USP7: variants seen among roughly 807,000 people sequenced by gnomAD.
USP7 encodes ubiquitin specific peptidase 7.
A neutral mutation model predicts 162.9 loss-of-function variants in USP7; 9 were observed. The ratio of observed to expected loss-of-function variants is 0.06; its 90% CI spans 0.03 to 0.10. The LOEUF is 0.10. Ranked by LOEUF, USP7 falls within the 10% of genes least tolerant of loss-of-function variation. USP7 has a pLI of 1.00. For synonymous variants in USP7, 562 were observed against 475.9 expected (o/e 1.18, Z -2.35); for missense variants, 715 against 1,373.7 (o/e 0.52, Z 7.58).
intron 1 of USP7, among the ~76,000 whole-genome samples, chr16:8,957,125 A>G (rs1899842123): frequency 6.6e-6 from 1 of 152,238 alleles, no homozygotes. Context: ...AGTTAAAATT[A>G]CCAACCCTCA....
At chr16:8,949,803 G>A (rs1899466283) in intron 1 of USP7, 1 of 152,190 alleles carries the variant, frequency 6.6e-6, no homozygotes, top group South Asian at 2.1e-4. Flanking sequence ...AAGCCCCCAG[G>A]GCCTGAAGCA....
chr16:8,894,740 G>C (rs748622408), intron 29 of USP7, 44 bp downstream of exon 29: 8 of 1,614,018 alleles, frequency 5.0e-6, no homozygotes, highest in East Asian at 4.5e-5. Flanking sequence ...GGCAAGGCTT[G>C]AGCCTATGGC....
rs369469439 is a variant in USP7 at position 8,963,033 on chromosome 16, G to A, written c.79+174C>T. 1,837 of 439,742 alleles carry A rather than the reference G, an allele frequency of 4.2e-3. 14 individuals are homozygous for A. The highest frequency in any genetic ancestry group is 0.023 in the East Asian group (363 of 15,854). The allele number at this position is 439,742 out of a possible 1,614,324, so 27.2% of individuals were successfully genotyped here. On this transcript the variant is annotated intron_variant, in intron 1 of 30. Transcript: ENST00000344836. ...GTCCCGGCGGCCGCCCCTCGCCCGC[G>A]GACCCGGCATGACTTTGCAGCCTCG...
chr16:8,937,827 G>A (rs1898834838), intron 1 of USP7, among the ~76,000 whole-genome samples: 1 of 152,200 alleles, frequency 6.6e-6, no homozygotes, highest in African/African-American at 2.4e-5. Flanking sequence ...ACAGAAGCCA[G>A]GAGACAACTG....
intron 1 of USP7, among the ~76,000 whole-genome samples, chr16:8,954,650 A>G (rs1010775853): frequency 4.6e-5 from 7 of 152,230 alleles, no homozygotes; most frequent in Non-Finnish European, 1.0e-4. Flanking sequence ...ATACGAAGGT[A>G]TGTATTCATT....
chr16:8,897,722 A>ATAC (rs71155415), intron 25 of USP7, among the ~76,000 whole-genome samples: 1 of 21,618 alleles, frequency 4.6e-5, no homozygotes, highest in Non-Finnish European at 7.4e-5. Context: ...AAAAAAAAAA[A>ATAC]AAAAATATAT....
At chr16:8,895,257 T>G in intron 27 of USP7, 107 bp from the exon 28 acceptor site, 1 of 1,554,808 alleles carries the variant, frequency 6.4e-7, no homozygotes, top group Non-Finnish European at 8.7e-7. Flanking sequence ...AAGCCTATTT[T>G]TGCTAAAAAA....
rs773390270 is a variant in USP7 at position 8,917,049 on chromosome 16, T to G, written c.828A>C (p.Thr276=). 1.9e-5 allele frequency: 30 copies of G among 1,608,276 alleles called. No individual in the cohort carries two copies. Among genetic ancestry groups the G allele is most frequent in the Non-Finnish European group, 2.5e-5 (30 of 1,178,394 alleles). ...ACCCAAATGACTTTGTTAACTTTTT[T>G]GTTCCTACAGGTTTATCACTATGCT... is the stretch of plus-strand genomic sequence containing the variant. The part of the protein sequence containing the change: ...ELQHSDKPVG[T]KKLTKSFGWE... The change falls in exon 7 of 31, where the codon ACA becomes ACC. Residue 276 remains threonine, a synonymous_variant. Coordinates refer to ENST00000344836, the MANE Select transcript of USP7 (RefSeq NM_003470.3).
Position 8,901,299 on chromosome 16 carries a change from AAAAC to A in USP7, c.2048-69_2048-66del, listed in dbSNP as rs564044821. On this transcript the variant is annotated intron_variant, in intron 18 of 30. Coordinates refer to ENST00000344836, the MANE Select transcript of USP7 (RefSeq NM_003470.3). ...CTCAGCACAATGCTTAAAAAACAAA[AAAAC>A]AAACAAACAAAAAAACGAAAAAAAA... 5.9e-4 allele frequency: 671 copies of A among 1,129,758 alleles called. 3 individuals carry two copies. Among genetic ancestry groups the A allele is most frequent in the African/African-American group, 2.4e-3 (137 of 57,540 alleles). The allele number at this position is 1,129,758 out of a possible 1,614,324, so 70.0% of individuals were successfully genotyped here.
At chr16:8,951,776 T>C (rs758419501) in intron 1 of USP7, among the ~76,000 whole-genome samples, 2 of 152,224 alleles carry the variant, frequency 1.3e-5, no homozygotes, top group Non-Finnish European at 2.9e-5. Flanking sequence ...TGGTTTGCTT[T>C]AGGAATGATT....
chr16:8,897,188 G>T, intron 25 of USP7, 89 bp from the exon 26 acceptor site: 5 of 994,120 alleles, frequency 5.0e-6, no homozygotes, highest in South Asian at 2.8e-5. Context: ...TTGCATCATT[G>T]TTCTCAACTG....
At chr16:8,901,322 A>G in intron 18 of USP7, 88 bp from the exon 19 acceptor site, 2 of 173,736 alleles carry the variant, frequency 1.2e-5, no homozygotes, top group Non-Finnish European at 1.8e-5. Context: ...AAAAAAACGA[A>G]AAAAAAAAAA....
Position 8,898,522 on chromosome 16 carries a change from GA to G in USP7, c.2640+8del. The G allele has an allele frequency of 6.2e-7, 1 of 1,607,936 alleles. No individual in the cohort carries two copies. Among genetic ancestry groups the G allele is most frequent in the Non-Finnish European group, 8.5e-7 (1 of 1,177,598 alleles). ...TATGACCCATAGTTACATTAATTTG[GA>G]CTCATACCTGCTGATAGTAAAGTTT... is the stretch of plus-strand genomic sequence containing the variant. On this transcript the variant is annotated splice_region_variant and intron_variant, in intron 24 of 30. Transcript: ENST00000344836.
rs764533568 is a variant in USP7 at position 8,894,544 on chromosome 16, C to T, written c.3202+6G>A. 6 of 1,611,436 alleles carry T rather than the reference C, an allele frequency of 3.7e-6. No individual in the cohort carries two copies. The African/African-American group carries it at 6.7e-5, about 18-fold the overall frequency. On this transcript the variant is annotated splice_donor_region_variant and intron_variant, in intron 30 of 30. Coordinates refer to ENST00000344836, the MANE Select transcript of USP7 (RefSeq NM_003470.3). ...CACCAGCCCCCGGGGGGGGGAGAAC[C>T]CTTACCGGGCTGTGGCTCAAAGTCT...
chr16:8,929,764 GCA>G (rs1898212258), intron 2 of USP7, among the ~76,000 whole-genome samples: 1 of 152,200 alleles, frequency 6.6e-6, no homozygotes, highest in East Asian at 1.9e-4. Context: ...AAATGTCCAT[GCA>G]CATACATATG....
At chr16:8,938,267 T>C (rs185665863) in intron 1 of USP7, among the ~76,000 whole-genome samples, 2 of 152,052 alleles carry the variant, frequency 1.3e-5, no homozygotes, top group Non-Finnish European at 2.9e-5. Flanking sequence ...CTATACTGAC[T>C]TGATTAAACT....
intron 6 of USP7, among the ~76,000 whole-genome samples, chr16:8,918,462 A>T (rs2141206681): frequency 6.6e-6 from 1 of 152,342 alleles, no homozygotes; most frequent in African/African-American, 2.4e-5. Context: ...AATGGATTAT[A>T]TGTTTTTCTA....
Position 8,895,684 on chromosome 16 carries a change from T to C in USP7, c.2877A>G (p.Leu959=). Residue 959 remains leucine (L), a synonymous_variant, in exon 27 of 31, where the codon TTA becomes TTG. Coordinates refer to ENST00000344836, the MANE Select transcript of USP7 (RefSeq NM_003470.3). ...IIGVHQEDEL[L]ECLSPATSRT... Reference sequence around the variant, plus strand: ...GGCTCGTTGCAGGAGATAAACATTCTAATAGTTCATCTTCTTGATGAACAC... The same window carrying C: ...GGCTCGTTGCAGGAGATAAACATTCCAATAGTTCATCTTCTTGATGAACAC... 1 of 1,613,726 alleles carries C rather than the reference T, an allele frequency of 6.2e-7. No individual in the cohort carries two copies. The highest frequency in any genetic ancestry group is 8.5e-7 in the Non-Finnish European group (1 of 1,179,946).
At chr16:8,894,171 G>T in intron 30 of USP7, 67 bp from the exon 31 acceptor site, 1 of 1,438,072 alleles carries the variant, frequency 7.0e-7, no homozygotes, top group Non-Finnish European at 9.8e-7. Flanking sequence ...CGGGGTGGTG[G>T]CCAGTGAGGC....
Sources: gnomAD v4.1 joint callset for allele counts (sites outside exome capture counted in the v4.1 genomes callset) on GRCh38, gnomAD v4.1.1 for gene constraint, MANE v1.5 for transcripts, NCBI Gene and HGNC (gene_info 2026-07-23, HGNC 2026-07-21) for gene names.